Variants in IQCM observed in about 807,000 individuals in gnomAD.
IQCM encodes IQ domain-containing protein M.
IQCM carries 45 observed loss-of-function variants against 57.6 expected under a neutral mutation model. The ratio of observed to expected loss-of-function variants is 0.78; its 90% confidence interval spans 0.62 to 1.00. The LOEUF is 1.00. IQCM is among the 50% of genes least tolerant of loss of function. The probability of loss-of-function intolerance (pLI) is 0.00; values close to 1 mark genes in which losing one functional copy is unlikely to be tolerated. For synonymous variants in IQCM, 148 were observed against 158.9 expected (o/e 0.93, Z 0.51); for missense variants, 468 against 511.6 (o/e 0.91, Z 0.82).
intron 12 of IQCM, among the ~76,000 whole-genome samples, chr4:149,473,144 G>A (rs951587139): frequency 6.6e-6 from 1 of 152,200 alleles, no homozygotes; most frequent in Admixed American, 6.5e-5. Context: ...AAACTCAAGA[G>A]CTTCTGCACA....
At chr4:149,394,287 T>C (rs999003099) in intron 13 of IQCM, among the ~76,000 whole-genome samples, 5 of 151,988 alleles carry the variant, frequency 3.3e-5, no homozygotes, top group Non-Finnish European at 5.9e-5. Flanking sequence ...CTTCTCTTCA[T>C]TTTTTGAATC....
chr4:149,775,097 A>G (rs554000966), intron 2 of IQCM, among the ~76,000 whole-genome samples: 5 of 151,320 alleles, frequency 3.3e-5, no homozygotes, highest in African/African-American at 1.2e-4. Context: ...GCAACTTTGC[A>G]TTATTCCTCC....
In IQCM at chr4:149,789,817, A is replaced by G. The variant is rs565001469; in HGVS notation, c.-49+25494T>C. ...CTCAGGAGGCTAAGGAGTTGGGAGG[A>G]TTGTTGAGCCCAGGAGGCAGAGGTT... On this transcript the variant is annotated intron_variant, in intron 2 of 13. Transcript: ENST00000636793. 6.4e-5 allele frequency: 10 copies of G among 156,278 alleles called. No individual in the cohort carries two copies. In the South Asian group the frequency reaches 2.0e-3, roughly 32 times the overall value. 9.7% of individuals were successfully genotyped at this position (156,278 alleles called of 1,614,324 possible).
At chr4:149,718,508 C>A (rs1331715004) in intron 5 of IQCM, among the ~76,000 whole-genome samples, 1 of 152,154 alleles carries the variant, frequency 6.6e-6, no homozygotes, top group Non-Finnish European at 1.5e-5. Context: ...CTCCTTTTGA[C>A]AAGGAAATTA....
At chr4:149,673,170 C>T (rs1475957886) in intron 7 of IQCM, among the ~76,000 whole-genome samples, 1 of 152,156 alleles carries the variant, frequency 6.6e-6, no homozygotes, top group Non-Finnish European at 1.5e-5. Context: ...ACTGCAAAAA[C>T]ATGGCAAATT....
At chr4:149,670,713 T>C (rs1438924728) in intron 7 of IQCM, among the ~76,000 whole-genome samples, 1 of 152,174 alleles carries the variant, frequency 6.6e-6, no homozygotes, top group Admixed American at 6.5e-5. Context: ...TTGAAGGCCT[T>C]TTCTGCATCT....
At chr4:149,793,734 A>AG (rs1188829775) in intron 2 of IQCM, 5 of 152,156 alleles carry the variant, frequency 3.3e-5, no homozygotes, top group African/African-American at 1.2e-4. Flanking sequence ...ATATAAAGAG[A>AG]GGGAAAAAAA....
chr4:149,442,949 CACACAGAGAGAGAGAGAG>C (rs1736107246), intron 12 of IQCM, among the ~76,000 whole-genome samples: 2 of 56,358 alleles, frequency 3.5e-5, no homozygotes, highest in African/African-American at 1.4e-4. Flanking sequence ...CACACACACA[CACACAGAGAGAGAGAGAG>C]AGAGAGAGAG....
intron 2 of IQCM, among the ~76,000 whole-genome samples, chr4:149,758,404 AT>A (rs1178271428): frequency 6.6e-6 from 1 of 152,182 alleles, no homozygotes; most frequent in Non-Finnish European, 1.5e-5. Context: ...AAAAATCTAG[AT>A]AACTTGGTTT....
At chr4:149,523,949 A>T (rs57371181) in intron 12 of IQCM, among the ~76,000 whole-genome samples, 4 of 152,206 alleles carry the variant, frequency 2.6e-5, no homozygotes, top group Non-Finnish European at 5.9e-5. Context: ...ACATAATTGC[A>T]TATATAGTGT....
chr4:149,624,121 A>G (rs1428070209), intron 7 of IQCM, among the ~76,000 whole-genome samples: 1 of 150,992 alleles, frequency 6.6e-6, no homozygotes, highest in Non-Finnish European at 1.5e-5. Context: ...TATGCGCCAT[A>G]AAACTGAATA....
At chr4:149,652,232 T>G (rs1285196866) in intron 7 of IQCM, among the ~76,000 whole-genome samples, 1 of 151,808 alleles carries the variant, frequency 6.6e-6, no homozygotes, top group African/African-American at 2.4e-5. Flanking sequence ...CACTCATAAG[T>G]AGGAGCTGAA....
intron 8 of IQCM, among the ~76,000 whole-genome samples, chr4:149,597,024 TAA>T (rs1264891272): frequency 2.0e-5 from 3 of 152,092 alleles, no homozygotes; most frequent in African/African-American, 7.2e-5. Context: ...AATTATTATG[TAA>T]AGACTATAAA....
intron 2 of IQCM, among the ~76,000 whole-genome samples, chr4:149,763,727 T>G (rs1351984494): frequency 1.3e-5 from 2 of 152,104 alleles, no homozygotes; most frequent in Admixed American, 6.6e-5. Flanking sequence ...GAGCCAGGAT[T>G]CAATCCAGAC....
intron 5 of IQCM, among the ~76,000 whole-genome samples, chr4:149,710,553 C>A (rs1164641680): frequency 1.3e-5 from 2 of 151,970 alleles, no homozygotes; most frequent in Non-Finnish European, 2.9e-5. Context: ...ATCTGTGCTC[C>A]CATTAATAAA....
chr4:149,592,868 T>G (rs1258277073), intron 8 of IQCM, among the ~76,000 whole-genome samples: 2 of 152,180 alleles, frequency 1.3e-5, no homozygotes, highest in African/African-American at 4.8e-5. Context: ...AGCCTTGTAG[T>G]ATAGTTTGAA....
intron 12 of IQCM, among the ~76,000 whole-genome samples, chr4:149,511,928 AT>A (rs1352658252): frequency 1.3e-5 from 2 of 152,130 alleles, no homozygotes; most frequent in Non-Finnish European, 2.9e-5. Context: ...GCCTTTATTC[AT>A]TCATTTATTC....
At chr4:149,717,910 AAACCTC>A (rs1425973839) in intron 5 of IQCM, among the ~76,000 whole-genome samples, 1 of 152,246 alleles carries the variant, frequency 6.6e-6, no homozygotes, top group African/African-American at 2.4e-5. Context: ...AAAGGTACGT[AAACCTC>A]ATGCTATTGG....
intron 13 of IQCM, among the ~76,000 whole-genome samples, chr4:149,367,364 G>A (rs1319110): frequency 0.28 from 42,810 of 151,760 alleles, 6,178 homozygotes; most frequent in Middle Eastern, 0.33. Context: ...CTAGGAGAGT[G>A]TCCTATAGAT....
Sources: gnomAD v4.1 joint callset for allele counts (sites outside exome capture counted in the v4.1 genomes callset) on GRCh38, gnomAD v4.1.1 for gene constraint, MANE v1.5 for transcripts, NCBI Gene and HGNC (gene_info 2026-07-23, HGNC 2026-07-21) for gene names.